HMHB1: variants seen among roughly 807,000 people sequenced by gnomAD.
HMHB1 encodes the protein histocompatibility minor HB-1, also known as minor histocompatibility protein HB-1.
In HMHB1, 4 loss-of-function variants were observed where a neutral mutation model predicts 2.4. That is an observed-to-expected ratio of 1.65 (90% confidence interval 0.81 to 3.77). The LOEUF (loss-of-function observed/expected upper bound fraction) is 3.77. Ranked by LOEUF, HMHB1 falls within the 30% of genes most tolerant of loss-of-function variation. HMHB1 has a pLI of 0.01. For synonymous variants in HMHB1, 22 were observed against 17.6 expected, an observed-to-expected ratio of 1.25 and a Z score of -0.63; for missense variants, 57 against 44.2, an observed-to-expected ratio of 1.29 and a Z score of -0.82.
At chr5:143,818,502 T>C (rs951535799) in intron 1 of HMHB1, among the ~76,000 whole-genome samples, 4 of 152,198 alleles carry the variant, frequency 2.6e-5, no homozygotes, top group Non-Finnish European at 5.9e-5. Context: ...GTGAAGTGCT[T>C]TGCTCAAAGT....
intron 1 of HMHB1, among the ~76,000 whole-genome samples, chr5:143,814,315 T>C (rs952008568): frequency 1.3e-5 from 2 of 152,262 alleles, no homozygotes; most frequent in Non-Finnish European, 2.9e-5. Context: ...ATTTTATAAC[T>C]CATATCCTTA....
intron 1 of HMHB1, among the ~76,000 whole-genome samples, chr5:143,818,362 AC>A (rs896300583): frequency 6.6e-6 from 1 of 152,152 alleles, no homozygotes; most frequent in Non-Finnish European, 1.5e-5. Flanking sequence ...GATCTAACTC[AC>A]CCACCTCCAC....
At chr5:143,820,334 A>G (rs1759796863) in intron 1 of HMHB1, 146 bp from the exon 2 acceptor site, 1 of 331,898 alleles carries the variant, frequency 3.0e-6, no homozygotes, top group South Asian at 5.1e-5. Flanking sequence ...AAAAAAAAAA[A>G]AAAAAAAAAA....
At position 143,819,393 on chromosome 5, in the gene HMHB1, C is replaced by A. The variant is rs545699885; in HGVS notation, c.38-1087C>A. On this transcript the variant is annotated intron_variant, in intron 1 of 1. Coordinates refer to ENST00000289448, the MANE Select transcript of HMHB1 (RefSeq NM_021182.3). ...TTCCTTGTAGATATCTGAGAGGAAT[C>A]CTTATCCGTATGTGAAAGGCTTTCA... 9.2e-5 allele frequency among the ~76,000 whole-genome samples: 14 copies of A among 152,322 alleles called. No individual in the cohort carries two copies. The East Asian group carries it at 2.7e-3, about 29-fold the overall frequency.
intron 1 of HMHB1, among the ~76,000 whole-genome samples, chr5:143,813,537 G>T (rs1236826659): frequency 1.3e-5 from 2 of 152,184 alleles, no homozygotes; most frequent in Non-Finnish European, 2.9e-5. Flanking sequence ...AGTAAAAAAT[G>T]GAAAGGGCAT....
Position 143,812,277 on chromosome 5 carries a change from C to A in HMHB1, c.10C>A (p.Gln4Lys). The A allele has an allele frequency of 2.6e-6, 4 of 1,551,506 alleles. No homozygotes were observed. The South Asian group carries it at 3.6e-5, about 14-fold the overall frequency. ...AGTGGAGAAACCAGAACTGGAGGAG[C>A]AGCCAGAATGCAGAGAAGAAAAAAG... Residue 4 changes from glutamine to lysine, a missense_variant, in exon 1 of 2, where the codon CAG (glutamine) becomes AAG (lysine). By Grantham distance (53) the Gln-to-Lys change is moderately conservative. Coordinates refer to ENST00000289448, the MANE Select transcript of HMHB1 (RefSeq NM_021182.3).
At chr5:143,813,400 C>T (rs1190665214) in intron 1 of HMHB1, among the ~76,000 whole-genome samples, 1 of 152,122 alleles carries the variant, frequency 6.6e-6, no homozygotes, top group African/African-American at 2.4e-5. Context: ...AGCACTTGTT[C>T]GCCTCCTCCA....
At chr5:143,812,394 G>A in intron 1 of HMHB1, 90 bp downstream of exon 1, 1 of 1,227,244 alleles carries the variant, frequency 8.1e-7, no homozygotes, top group Non-Finnish European at 1.2e-6. Context: ...GGTGGAATGA[G>A]AGGGAAACCA....
Position 143,820,575 on chromosome 5 carries a change from T to A in HMHB1, c.*7T>A. ...CCTGACTTATAGGCTTTGACACTGC[T>A]GTTGAGGTTTGACTCGAAGCCCAGA... On this transcript the variant is annotated 3_prime_UTR_variant, in exon 2 of 2. Coordinates refer to ENST00000289448, the MANE Select transcript of HMHB1 (RefSeq NM_021182.3). 6.3e-7 allele frequency: 1 copy of A among 1,589,338 alleles called. No homozygotes were observed. The highest frequency in any genetic ancestry group is 1.1e-5 in the South Asian group (1 of 90,434).
intron 1 of HMHB1, among the ~76,000 whole-genome samples, chr5:143,814,098 T>G (rs1759722590): frequency 6.6e-6 from 1 of 152,198 alleles, no homozygotes; most frequent in Non-Finnish European, 1.5e-5. Context: ...TGTCTTTTTC[T>G]TTATTAAAAA....
intron 1 of HMHB1, among the ~76,000 whole-genome samples, chr5:143,816,410 C>T (rs923879976): frequency 4.6e-5 from 7 of 152,092 alleles, no homozygotes; most frequent in Admixed American, 2.6e-4. Context: ...TATGCCTTTG[C>T]GTCCTCACAG....
chr5:143,819,218 G>C (rs993119096), intron 1 of HMHB1, among the ~76,000 whole-genome samples: 13 of 152,122 alleles, frequency 8.5e-5, no homozygotes, highest in Admixed American at 6.5e-4. Flanking sequence ...CAAATTCCTG[G>C]GAAAGAGAAT....
rs755845047 is a variant in HMHB1, at chr5:143,820,534, T to A, written c.92T>A (p.Leu31Gln). The change falls in exon 2 of 2, where the codon CTG (leucine) becomes CAG (glutamine). Residue 31 changes from leucine (L) to glutamine (Q), a missense_variant. Coordinates refer to ENST00000289448, the MANE Select transcript of HMHB1 (RefSeq NM_021182.3). The stretch of plus-strand genomic sequence containing the variant: ...GTTGAAGTTGAAGATGATGTGTATC[T>A]GAGGCACAGCTCTTCCCTGACTTAT... 1.2e-6 allele frequency: 2 copies of A among 1,613,094 alleles called. No individual in the cohort carries two copies. The highest frequency in any genetic ancestry group is 2.7e-5 in the African/African-American group (2 of 74,890).
intron 1 of HMHB1, 109 bp downstream of exon 1, chr5:143,812,413 G>A: frequency 9.8e-7 from 1 of 1,017,766 alleles, no homozygotes. Context: ...CACAACAGGT[G>A]AAAACAGGGA....
intron 1 of HMHB1, among the ~76,000 whole-genome samples, chr5:143,820,037 C>G (rs1211966515): frequency 2.0e-5 from 3 of 152,056 alleles, no homozygotes; most frequent in Non-Finnish European, 4.4e-5. Flanking sequence ...ATTAGAAACT[C>G]TCCTGCTCAG....
intron 1 of HMHB1, among the ~76,000 whole-genome samples, chr5:143,817,983 G>C (rs981192949): frequency 1.3e-4 from 20 of 152,216 alleles, no homozygotes; most frequent in African/African-American, 4.3e-4. Context: ...TCAATATTAA[G>C]ACAGCAATAT....
chr5:143,820,318 T>TAAAAAAA (rs60960654), intron 1 of HMHB1, among the ~76,000 whole-genome samples, 162 bp from the exon 2 acceptor site: 40 of 47,570 alleles, frequency 8.4e-4, no homozygotes, highest in African/African-American at 1.1e-3. Context: ...TCATCATAAG[T>TAAAAAAA]AAAAAAAAAA....
intron 1 of HMHB1, 57 bp downstream of exon 1, chr5:143,812,361 C>A: frequency 1.4e-6 from 2 of 1,478,362 alleles, no homozygotes; most frequent in Non-Finnish European, 1.8e-6. Flanking sequence ...AGCGAAGGGG[C>A]AGAGAAAATG....
rs1209720182 is a variant in HMHB1 at position 143,815,922 on chromosome 5, G to A, written c.37+3618G>A. Reference sequence around the variant, plus strand: ...GGGGTTTCACCTTGTTAGCCAGGATGGTCTCGATCTCCTGACCTCATGATC... The same window carrying A: ...GGGGTTTCACCTTGTTAGCCAGGATAGTCTCGATCTCCTGACCTCATGATC... On this transcript the variant is annotated intron_variant, in intron 1 of 1. Coordinates refer to ENST00000289448, the MANE Select transcript of HMHB1 (RefSeq NM_021182.3). 1.4e-5 allele frequency among the ~76,000 whole-genome samples: 2 copies of A among 142,858 alleles called. 1 individual carries two copies. 93.7% of individuals were successfully genotyped at this position (142,858 alleles called of 152,430 possible).
Sources: gnomAD v4.1 joint callset for allele counts (sites outside exome capture counted in the v4.1 genomes callset) on GRCh38, gnomAD v4.1.1 for gene constraint, MANE v1.5 for transcripts, NCBI Gene and HGNC (gene_info 2026-07-23, HGNC 2026-07-21) for gene names.